PLSCR2: variants seen among roughly 807,000 people sequenced by gnomAD.
The protein encoded by PLSCR2 is phospholipid scramblase 2.
PLSCR2 carries 18 observed loss-of-function variants against 25.3 expected under a neutral mutation model. That is an observed-to-expected ratio of 0.71 (90% confidence interval 0.49 to 1.06). The LOEUF is 1.06. Among genes scored for constraint, PLSCR2 ranks in the 50% least tolerant of loss-of-function variants. The pLI is 0.00. For missense variants in PLSCR2, 243 were observed against 269.5 expected, an observed-to-expected ratio of 0.90 and a Z score of 0.69; for synonymous variants, 88 against 87.3, an observed-to-expected ratio of 1.01 and a Z score of -0.04.
intron 1 of PLSCR2, chr3:146,469,500 G>C (rs1393209039): frequency 1.0e-6 from 1 of 984,830 alleles, no homozygotes; most frequent in Admixed American, 6.1e-5. Flanking sequence ...CTTACCCGTG[G>C]CTGCAGCTGC....
At chr3:146,454,278 T>C (rs993111029) in intron 4 of PLSCR2, 115 bp from the exon 5 acceptor site, 5 of 646,476 alleles carry the variant, frequency 7.7e-6, no homozygotes, top group African/African-American at 1.9e-5. Flanking sequence ...GAGGACTTCC[T>C]AGGACTTTTT....
At chr3:146,492,425 T>TA (rs1050858996) in intron 1 of PLSCR2, among the ~76,000 whole-genome samples, 13 of 151,248 alleles carry the variant, frequency 8.6e-5, no homozygotes, top group East Asian at 5.8e-4. Context: ...ACAAAAAATT[T>TA]AAAAAAAAAT....
At chr3:146,458,164 A>G (rs2041330914) in intron 3 of PLSCR2, among the ~76,000 whole-genome samples, 1 of 152,182 alleles carries the variant, frequency 6.6e-6, no homozygotes, top group African/African-American at 2.4e-5. Context: ...TATGTTTTTG[A>G]TCCATGGTTG....
chr3:146,462,288 C>T (rs1483323415), upstream of PLSCR2, among the ~76,000 whole-genome samples: 1 of 151,924 alleles, frequency 6.6e-6, no homozygotes, highest in Admixed American at 6.6e-5. Context: ...GACAAGGTCT[C>T]ATTATGTTGC....
intron 2 of PLSCR2, among the ~76,000 whole-genome samples, chr3:146,399,258 A>C (rs2038379941): frequency 6.6e-6 from 1 of 151,818 alleles, no homozygotes; most frequent in South Asian, 2.1e-4. Context: ...ATTTTGCCCC[A>C]ATTTTTATTT....
intron 2 of PLSCR2, among the ~76,000 whole-genome samples, chr3:146,407,804 T>C (rs2038707320): frequency 6.6e-6 from 1 of 152,148 alleles, no homozygotes. Context: ...AACACATCTG[T>C]CTCTGTGGTA....
At chr3:146,462,835 C>A, upstream of PLSCR2, among the ~76,000 whole-genome samples, 1 of 152,142 alleles carries the variant, frequency 6.6e-6, no homozygotes, top group East Asian at 1.9e-4. Context: ...AGAAATGCTG[C>A]GAGCTAAGAC....
At chr3:146,454,288 T>C in intron 4 of PLSCR2, 125 bp from the exon 5 acceptor site, 2 of 573,848 alleles carry the variant, frequency 3.5e-6, no homozygotes, top group Middle Eastern at 4.6e-4. Context: ...TAGGACTTTT[T>C]TTTTAAAGAT....
intron 2 of PLSCR2, among the ~76,000 whole-genome samples, chr3:146,411,154 A>C (rs1238363461): frequency 1.3e-5 from 2 of 152,156 alleles, no homozygotes; most frequent in Non-Finnish European, 2.9e-5. Flanking sequence ...GGAGAGAAAG[A>C]GAGAGAGACC....
chr3:146,439,475 T>G (rs969832014), downstream of PLSCR2, among the ~76,000 whole-genome samples: 2 of 152,188 alleles, frequency 1.3e-5, no homozygotes, highest in Non-Finnish European at 2.9e-5. Context: ...TTTTCATTTC[T>G]TTTTGCTCTT....
chr3:146,422,375 C>T (rs962495226), intron 2 of PLSCR2, among the ~76,000 whole-genome samples: 1 of 152,084 alleles, frequency 6.6e-6, no homozygotes, highest in African/African-American at 2.4e-5. Flanking sequence ...TTTGTCTTTT[C>T]TTTATTTCTT....
At chr3:146,405,402 T>A (rs974358754) in intron 2 of PLSCR2, among the ~76,000 whole-genome samples, 1 of 152,116 alleles carries the variant, frequency 6.6e-6, no homozygotes, top group East Asian at 1.9e-4. Flanking sequence ...TTGCACAAGT[T>A]AAGTCCTTGA....
downstream of PLSCR2, among the ~76,000 whole-genome samples, chr3:146,429,592 T>A (rs906994684): frequency 6.6e-6 from 1 of 152,030 alleles, no homozygotes; most frequent in East Asian, 1.9e-4. Flanking sequence ...TACACAGATG[T>A]GGGAGAAAAG....
chr3:146,460,021 G>A (rs778314395), exon 2 of PLSCR2: 4 of 1,603,568 alleles, frequency 2.5e-6, no homozygotes, highest in Admixed American at 3.5e-5. Flanking sequence ...GAGCCCAGGT[G>A]GTCAGCCTGT....
At chr3:146,419,080 T>A (rs1368362897) in intron 2 of PLSCR2, among the ~76,000 whole-genome samples, 2 of 152,062 alleles carry the variant, frequency 1.3e-5, no homozygotes, top group African/African-American at 4.8e-5. Context: ...TCCTGATTCC[T>A]TTTTCTTAAA....
chr3:146,391,898 T>A (rs779477120), intron 3 of PLSCR2, among the ~76,000 whole-genome samples: 5 of 152,218 alleles, frequency 3.3e-5, no homozygotes, highest in Middle Eastern at 3.4e-3. Flanking sequence ...AAGGAAAAAA[T>A]TTATATTTTC....
At chr3:146,482,309 T>G (rs948975804) in intron 1 of PLSCR2, among the ~76,000 whole-genome samples, 1 of 151,746 alleles carries the variant, frequency 6.6e-6, no homozygotes, top group Non-Finnish European at 1.5e-5. Context: ...TGGGAGAAAA[T>G]TTTTGCAATC....
chr3:146,416,866 C>T (rs2039018653), intron 2 of PLSCR2, among the ~76,000 whole-genome samples: 1 of 152,106 alleles, frequency 6.6e-6, no homozygotes, highest in Non-Finnish European at 1.5e-5. Flanking sequence ...TCATGATAAA[C>T]TGAGTGCAAA....
chr3:146,449,305 T>C (rs1403065936), exon 6 of PLSCR2: 22 of 1,610,794 alleles, frequency 1.4e-5, no homozygotes, highest in Non-Finnish European at 1.7e-5. Flanking sequence ...ATGCCTCTCT[T>C]AAAAACCCAG....
Sources: gnomAD v4.1 joint callset for allele counts (sites outside exome capture counted in the v4.1 genomes callset) on GRCh38, gnomAD v4.1.1 for gene constraint, MANE v1.5 for transcripts, NCBI Gene and HGNC (gene_info 2026-07-23, HGNC 2026-07-21) for gene names.